The following EYA4 variants were observed in gnomAD, a reference collection of about 807,000 sequenced individuals.
EYA4 encodes the protein protein phosphatase EYA4.
EYA4 carries 31 observed loss-of-function variants against 87.9 expected under a neutral mutation model. That is an observed-to-expected ratio of 0.35 (90% CI 0.27 to 0.48). The LOEUF is 0.48. EYA4 is among the 20% of genes least tolerant of loss of function. The pLI is 0.99. For synonymous variants in EYA4, 263 were observed against 270.6 expected (o/e 0.97, Z 0.28); for missense variants, 678 against 761.4 (o/e 0.89, Z 1.29).
chr6:133,443,441 A>G (rs1399246439), intron 3 of EYA4, among the ~76,000 whole-genome samples: 1 of 151,968 alleles, frequency 6.6e-6, no homozygotes, highest in Non-Finnish European at 1.5e-5. Flanking sequence ...ATACTTCCTT[A>G]TTACCCTTTC....
chr6:133,263,960 C>A (rs1200991201), intron 1 of EYA4, among the ~76,000 whole-genome samples: 6 of 152,204 alleles, frequency 3.9e-5, no homozygotes, highest in African/African-American at 1.2e-4. Flanking sequence ...ATTTTTAAAT[C>A]TTTTCCCAAG....
chr6:133,316,741 G>A (rs1417922565), intron 2 of EYA4, among the ~76,000 whole-genome samples: 1 of 152,102 alleles, frequency 6.6e-6, no homozygotes, highest in Non-Finnish European at 1.5e-5. Flanking sequence ...CTGAAAACAC[G>A]ATTTTGATGC....
At chr6:133,441,859 A>G (rs1926091) in intron 3 of EYA4, among the ~76,000 whole-genome samples, 29,733 of 151,948 alleles carry the variant, frequency 0.2, 3,079 homozygotes, top group East Asian at 0.32. Context: ...TAAGTTTAAA[A>G]GTAGAAGGCA....
At chr6:133,482,954 G>GGA (rs1796345366) in intron 12 of EYA4, 78 bp from the exon 13 acceptor site, 3 of 1,116,814 alleles carry the variant, frequency 2.7e-6, no homozygotes, top group Non-Finnish European at 4.1e-6. Flanking sequence ...CTCTAGGAAG[G>GGA]GAGACATTTT....
At chr6:133,243,327 A>G (rs1385084732) in intron 1 of EYA4, among the ~76,000 whole-genome samples, 4 of 152,168 alleles carry the variant, frequency 2.6e-5, no homozygotes, top group African/African-American at 9.7e-5. Context: ...CCTGGGATCA[A>G]CGTAATTGTT....
intron 10 of EYA4, among the ~76,000 whole-genome samples, chr6:133,467,756 T>A (rs1423404871): frequency 6.6e-6 from 1 of 152,012 alleles, no homozygotes; most frequent in Non-Finnish European, 1.5e-5. Flanking sequence ...GGATTTGTCA[T>A]CACTGATAAC....
chr6:133,465,001 A>C (rs1289541868), intron 10 of EYA4, 143 bp downstream of exon 10: 4 of 637,266 alleles, frequency 6.3e-6, no homozygotes, highest in Admixed American at 3.0e-5. Flanking sequence ...GATAGTAAAA[A>C]ATTAGCTATC....
intron 18 of EYA4, among the ~76,000 whole-genome samples, chr6:133,524,756 T>C (rs1381698822): frequency 1.3e-5 from 2 of 152,168 alleles, no homozygotes; most frequent in African/African-American, 4.8e-5. Flanking sequence ...CCCAATACTC[T>C]GTTGGTGGAG....
chr6:133,462,875 A>T (rs760113174), intron 9 of EYA4, 111 bp downstream of exon 9: 2 of 960,958 alleles, frequency 2.1e-6, no homozygotes. Flanking sequence ...GCTTTATCAC[A>T]GCTCACACAA....
At chr6:133,365,770 A>G (rs1267454172) in intron 2 of EYA4, among the ~76,000 whole-genome samples, 1 of 151,996 alleles carries the variant, frequency 6.6e-6, no homozygotes, top group Non-Finnish European at 1.5e-5. Context: ...GAAGGGGAGT[A>G]TTGACTTACT....
At chr6:133,460,575 T>C (rs1386044351) in intron 6 of EYA4, among the ~76,000 whole-genome samples, 1 of 152,178 alleles carries the variant, frequency 6.6e-6, no homozygotes, top group Non-Finnish European at 1.5e-5. Flanking sequence ...CTGGAATATT[T>C]TAGACTGCAT....
chr6:133,517,989 A>G (rs897130219), intron 17 of EYA4, among the ~76,000 whole-genome samples: 4 of 152,208 alleles, frequency 2.6e-5, no homozygotes, highest in Non-Finnish European at 4.4e-5. Context: ...TTCTGGCTCT[A>G]TATAAGGAAG....
chr6:133,490,294 G>A (rs1010246568), intron 13 of EYA4, among the ~76,000 whole-genome samples: 4 of 151,590 alleles, frequency 2.6e-5, no homozygotes, highest in African/African-American at 9.7e-5. Context: ...TAACAAAATG[G>A]CAGGAATAAG....
chr6:133,415,338 G>A (rs961533150), intron 3 of EYA4, among the ~76,000 whole-genome samples: 2 of 152,070 alleles, frequency 1.3e-5, no homozygotes, highest in African/African-American at 2.4e-5. Context: ...CAGAATAAAT[G>A]CCCAAGAACT....
chr6:133,302,752 CAAT>C (rs1490786793), intron 2 of EYA4, among the ~76,000 whole-genome samples: 1 of 151,974 alleles, frequency 6.6e-6, no homozygotes, highest in Non-Finnish European at 1.5e-5. Flanking sequence ...TATAATGTGA[CAAT>C]AATAAATTTA....
chr6:133,483,189 TA>T, intron 13 of EYA4, 74 bp downstream of exon 13: 1 of 1,130,576 alleles, frequency 8.8e-7, no homozygotes. Flanking sequence ...AAGGGCTATT[TA>T]AAAATTCTTT....
At chr6:133,493,011 A>G (rs1797320075) in intron 13 of EYA4, among the ~76,000 whole-genome samples, 1 of 152,190 alleles carries the variant, frequency 6.6e-6, no homozygotes. Context: ...AATATTGTTA[A>G]AATGTCCGTT....
chr6:133,482,855 T>G (rs1384360999), intron 12 of EYA4, among the ~76,000 whole-genome samples, 177 bp from the exon 13 acceptor site: 1 of 151,786 alleles, frequency 6.6e-6, no homozygotes, highest in East Asian at 2.0e-4. Context: ...TAATTCCTGC[T>G]CCTCAGGCTT....
At chr6:133,508,136 G>T (rs1798813021) in intron 14 of EYA4, among the ~76,000 whole-genome samples, 1 of 152,052 alleles carries the variant, frequency 6.6e-6, no homozygotes, top group Non-Finnish European at 1.5e-5. Context: ...TTTTGCTGTT[G>T]TTGTTGTTGT....
Sources: gnomAD v4.1 joint callset for allele counts (sites outside exome capture counted in the v4.1 genomes callset) on GRCh38, gnomAD v4.1.1 for gene constraint, MANE v1.5 for transcripts, NCBI Gene and HGNC (gene_info 2026-07-23, HGNC 2026-07-21) for gene names.